The following DOCK5 variants were observed in gnomAD, a reference collection of about 807,000 sequenced individuals.
The protein encoded by DOCK5 is dedicator of cytokinesis protein 5.
A neutral mutation model predicts 251.8 loss-of-function variants in DOCK5; 142 were observed. That is an observed-to-expected ratio of 0.56 (90% confidence interval 0.49 to 0.65). The LOEUF (loss-of-function observed/expected upper bound fraction) is 0.65, where lower values mean the gene tolerates loss of function less well. Among genes scored for constraint, DOCK5 ranks in the 30% least tolerant of loss-of-function variants. DOCK5 has a pLI of 0.00. For synonymous variants in DOCK5, 842 were observed against 835.5 expected (o/e 1.01, Z -0.13); for missense variants, 2,111 against 2,312.3 (o/e 0.91, Z 1.79).
At chr8:25,264,620 G>C (rs568795748) in intron 2 of DOCK5, among the ~76,000 whole-genome samples, 2 of 151,906 alleles carry the variant, frequency 1.3e-5, no homozygotes, top group East Asian at 3.9e-4. Flanking sequence ...GAGGTCAGGA[G>C]TTCAAGACCA....
At chr8:25,338,663 A>G (rs904738127) in intron 22 of DOCK5, among the ~76,000 whole-genome samples, 4 of 152,084 alleles carry the variant, frequency 2.6e-5, no homozygotes, top group African/African-American at 4.8e-5. Flanking sequence ...TTGTTTCATT[A>G]TATTTTCCAG....
chr8:25,272,347 T>G (rs1344684653), intron 3 of DOCK5, among the ~76,000 whole-genome samples: 1 of 152,206 alleles, frequency 6.6e-6, no homozygotes, highest in Non-Finnish European at 1.5e-5. Context: ...TCTCCTAATA[T>G]GAAAATCATC....
chr8:25,208,906 G>T (rs939114978), intron 1 of DOCK5, among the ~76,000 whole-genome samples: 5 of 152,064 alleles, frequency 3.3e-5, no homozygotes, highest in Non-Finnish European at 5.9e-5. Flanking sequence ...AATGACTTGT[G>T]AATATTATTT....
chr8:25,319,647 A>T lies in DOCK5; in HGVS notation c.1513A>T (p.Lys505Ter). 1 of 1,589,288 alleles carries T rather than the reference A, an allele frequency of 6.3e-7. No individual in the cohort carries two copies. ...CAAATCAGTAGTCTATTACCAAGTC[A>T]AGCAGCCCTGTTGGTATGAGACTGT... The part of the protein sequence containing the change: ...EYKSVVYYQV[K>*]QPCWYETVKV... The change falls in exon 15 of 52, where the codon AAG becomes TAG. Residue 505 changes from lysine (K) to a stop codon, truncating the protein, a stop_gained. Transcript: ENST00000276440. LOFTEE classifies it high-confidence loss of function.
At chr8:25,299,622 TTG>T (rs1804708448) in intron 8 of DOCK5, among the ~76,000 whole-genome samples, 1 of 152,002 alleles carries the variant, frequency 6.6e-6, no homozygotes. Flanking sequence ...GCAAAGGAGG[TTG>T]TGTCTGAGGG....
intron 18 of DOCK5, among the ~76,000 whole-genome samples, chr8:25,331,290 T>TA (rs1290043154): frequency 6.6e-6 from 1 of 151,620 alleles, no homozygotes; most frequent in Admixed American, 6.6e-5. Flanking sequence ...TATTTCTTAA[T>TA]AGAGACAGGG....
rs764418595 is a variant in DOCK5, at chr8:25,359,027, A to G, written c.2915A>G (p.Tyr972Cys). 3 of 1,613,902 alleles carry G rather than the reference A, an allele frequency of 1.9e-6. No homozygotes were observed. Among genetic ancestry groups the G allele is most frequent in the African/African-American group, 1.3e-5 (1 of 74,916 alleles). ...QQMDDSHYSH[Y>C]ISTFKTRQDI... ...ATGGACGACAGCCACTATAGCCACT[A>G]CATCAGCACTTTCAAAACCAGACAA... Residue 972 changes from tyrosine to cysteine, a missense_variant, in exon 28 of 52, where the codon TAC (tyrosine) becomes TGC (cysteine). This residue lies in a region of DOCK5 where 1,717 missense variants were observed against 1,892.4 expected (regional missense o/e 0.91). Coordinates refer to ENST00000276440, the MANE Select transcript of DOCK5 (RefSeq NM_024940.8).
chr8:25,194,848 C>T (rs909231634), intron 1 of DOCK5, among the ~76,000 whole-genome samples: 1 of 152,178 alleles, frequency 6.6e-6, no homozygotes, highest in Admixed American at 6.5e-5. Context: ...AATATGTCCT[C>T]AGATTACTGC....
intron 11 of DOCK5, among the ~76,000 whole-genome samples, chr8:25,305,821 A>C (rs1185143464): frequency 6.6e-6 from 1 of 152,200 alleles, no homozygotes; most frequent in East Asian, 1.9e-4. Flanking sequence ...AGAAGTCTTA[A>C]AATTTAGATA....
intron 5 of DOCK5, among the ~76,000 whole-genome samples, chr8:25,288,436 C>T (rs1345614635): frequency 1.3e-5 from 2 of 152,200 alleles, no homozygotes; most frequent in Non-Finnish European, 2.9e-5. Context: ...CTTCATCCTT[C>T]CTTGGGGGAC....
chr8:25,209,213 G>A lies in DOCK5; in HGVS notation c.43+24262G>A, dbSNP rs908089605. Among the ~76,000 whole-genome samples, 8 of 73,232 alleles carry A rather than the reference G, an allele frequency of 1.1e-4. 4 individuals carry two copies. Among genetic ancestry groups the A allele is most frequent in the Admixed American group, 9.0e-4 (6 of 6,686 alleles). The allele number at this position is 73,232 out of a possible 152,430, so 48.0% of individuals were successfully genotyped here. The stretch of plus-strand genomic sequence containing the variant: ...TCCCTGTCTGATGTTCTCACCACAC[G>A]CAAGTTCGTGAATAATTAAATTGTT... On this transcript the variant is annotated intron_variant, in intron 1 of 51. Coordinates refer to ENST00000276440, the MANE Select transcript of DOCK5 (RefSeq NM_024940.8).
intron 20 of DOCK5, among the ~76,000 whole-genome samples, 165 bp downstream of exon 20, chr8:25,332,857 A>T (rs1022013349): frequency 6.6e-6 from 1 of 152,260 alleles, no homozygotes; most frequent in African/African-American, 2.4e-5. Context: ...TTAGAAACAA[A>T]TGACTTATAT....
chr8:25,300,507 A>G, intron 8 of DOCK5, 69 bp from the exon 9 acceptor site: 1 of 1,386,234 alleles, frequency 7.2e-7, no homozygotes, highest in African/African-American at 1.4e-5. Flanking sequence ...GTAAGTCTAT[A>G]CTGAGGGTAG....
In DOCK5 at chr8:25,298,947, A is replaced by G. The variant is rs1390019947; in HGVS notation, c.610A>G (p.Ile204Val). The stretch of plus-strand genomic sequence containing the variant: ...TCTCTGTTCCCTCTTTGTTCAGTCA[A>G]TCCTGCAGAACCTCGATTTGCGGGG... Reference protein sequence around the residue: ...IEEKIQEEKSILQNLDLRGQS... With the variant: ...IEEKIQEEKSVLQNLDLRGQS... The change falls in exon 8 of 52, where the codon ATC (isoleucine) becomes GTC (valine). Residue 204 changes from isoleucine to valine, a missense_variant. Ile to Val is a conservative substitution (Grantham distance 29). Transcript: ENST00000276440. The G allele has an allele frequency of 1.9e-6, 3 of 1,609,950 alleles. No individual in the cohort carries two copies. The highest frequency in any genetic ancestry group is 2.2e-5 in the East Asian group (1 of 44,764).
chr8:25,359,646 G>GA (rs1800641337), intron 28 of DOCK5, among the ~76,000 whole-genome samples: 1 of 152,208 alleles, frequency 6.6e-6, no homozygotes, highest in South Asian at 2.1e-4. Context: ...CACATTCGAG[G>GA]AATCTAGGTT....
chr8:25,250,729 A>G (rs1286174410), intron 2 of DOCK5, among the ~76,000 whole-genome samples: 2 of 152,242 alleles, frequency 1.3e-5, no homozygotes, highest in East Asian at 3.9e-4. Flanking sequence ...CCAAGTAAAC[A>G]AAGTAAGTAA....
intron 31 of DOCK5, among the ~76,000 whole-genome samples, 185 bp from the exon 32 acceptor site, chr8:25,368,007 G>A (rs1800808212): frequency 1.3e-5 from 2 of 152,140 alleles, no homozygotes; most frequent in African/African-American, 4.8e-5. Flanking sequence ...TGCGGCACAA[G>A]GTCCCCCGGC....
In DOCK5 at chr8:25,411,415, A is replaced by G. The variant is rs1376847561; in HGVS notation, c.*117A>G. On this transcript the variant is annotated 3_prime_UTR_variant, in exon 52 of 52. Transcript: ENST00000276440. ...TGCTGACTGCATTTCCTGATCTGGG[A>G]TGATGTTTACCAGCCCAAAACCAGT... The G allele has an allele frequency of 7.7e-7, 1 of 1,296,870 alleles. No individual in the cohort carries two copies. Among genetic ancestry groups the G allele is most frequent in the Non-Finnish European group, 9.9e-7 (1 of 1,011,600 alleles). 80.3% of individuals were successfully genotyped at this position (1,296,870 alleles called of 1,614,324 possible). A position where few individuals can be genotyped will look rare whatever the true frequency, so the allele number is the denominator to read the frequency against.
chr8:25,200,214 G>A (rs1801847514), intron 1 of DOCK5, among the ~76,000 whole-genome samples: 1 of 152,170 alleles, frequency 6.6e-6, no homozygotes, highest in South Asian at 2.1e-4. Context: ...CCTCTATCAT[G>A]TATTGATTAA....
Sources: allele counts gnomAD v4.1 joint callset (sites outside exome capture counted in the v4.1 genomes callset), GRCh38; gene constraint gnomAD v4.1.1; regional missense constraint gnomAD v4.1.1; transcripts MANE v1.5; gene names NCBI Gene and HGNC (gene_info 2026-07-23, HGNC 2026-07-21).